The following DYNC1H1 variants were observed in gnomAD, a reference collection of about 807,000 sequenced individuals.
DYNC1H1 encodes the protein cytoplasmic dynein 1 heavy chain 1.
Under a neutral mutation model 527.1 loss-of-function variants are expected in DYNC1H1, and 51 were observed. The ratio of observed to expected loss-of-function variants is 0.10; its 90% CI spans 0.08 to 0.12. The LOEUF (loss-of-function observed/expected upper bound fraction) is 0.12. DYNC1H1 is among the 10% of genes least tolerant of loss of function. DYNC1H1 has a pLI of 1.00. For synonymous variants in DYNC1H1, 2,189 were observed against 2,278.8 expected (o/e 0.96, Z 1.12); for missense variants, 2,771 against 5,971.8 (o/e 0.46, Z 17.66).
rs779090427 is a variant in DYNC1H1 at position 102,017,073 on chromosome 14, G to A, written c.7849-15G>A. 9.9e-6 allele frequency: 16 copies of A among 1,614,150 alleles called. No homozygotes were observed. In the East Asian group the frequency reaches 2.4e-4, roughly 25 times the overall value. On this transcript the variant is annotated splice_polypyrimidine_tract_variant and intron_variant, in intron 38 of 77. Coordinates refer to ENST00000360184, the MANE Select transcript of DYNC1H1 (RefSeq NM_001376.5). This position sits in a 1 kb window ranked among gnomAD's most constrained non-coding sequence, Gnocchi z 4.6. Reference sequence around the variant, plus strand: ...GGTTGGTCTTACAGTGTGGTTTTGTGTCTTCCCTCCAAAGGTGGTGGGTCT... The same window carrying A: ...GGTTGGTCTTACAGTGTGGTTTTGTATCTTCCCTCCAAAGGTGGTGGGTCT...
intron 63 of DYNC1H1, 80 bp from the exon 64 acceptor site, chr14:102,040,518 C>T (rs570284580): frequency 8.6e-5 from 139 of 1,609,166 alleles, no homozygotes; most frequent in Non-Finnish European, 1.1e-4. Flanking sequence ...TGCGCTCTCG[C>T]GTCAGACTCT....
chr14:102,038,989 T>A lies in DYNC1H1; in HGVS notation c.11207-12T>A. 1 of 1,614,020 alleles carries A rather than the reference T, an allele frequency of 6.2e-7. No individual in the cohort carries two copies. Among genetic ancestry groups the A allele is most frequent in the South Asian group, 1.1e-5 (1 of 91,082 alleles). ...GGATTATTGCAAACTCTGGATGTTTTATTCATTTAAGGGGAATTTCAGCTC... is the reference window on the plus strand; with the variant it reads ...GGATTATTGCAAACTCTGGATGTTTAATTCATTTAAGGGGAATTTCAGCTC... On this transcript the variant is annotated splice_polypyrimidine_tract_variant and intron_variant, in intron 59 of 77. Transcript: ENST00000360184. This position sits in a 1 kb window ranked among gnomAD's most constrained non-coding sequence, Gnocchi z 7.2.
chr14:102,010,386 TAA>T lies in DYNC1H1; in HGVS notation c.6334_6335del (p.Lys2112GlufsTer11), dbSNP rs2048244512. 6.2e-7 allele frequency: 1 copy of T among 1,613,888 alleles called. No individual in the cohort carries two copies. The highest frequency in any genetic ancestry group is 8.5e-7 in the Non-Finnish European group (1 of 1,180,014). ...GTGAAGAGAGAGAGAATCCAGAAGATAAAGAGGGAGAAAGAGGAACGAGGGGA... is the reference window on the plus strand; with the variant it reads ...GTGAAGAGAGAGAGAATCCAGAAGATAGAGGGAGAAAGAGGAACGAGGGGA... On this transcript the variant is annotated frameshift_variant, in exon 31 of 78. Coordinates refer to ENST00000360184, the MANE Select transcript of DYNC1H1 (RefSeq NM_001376.5). LOFTEE classifies it high-confidence loss of function. The surrounding 1 kb of genome is among the most constrained non-coding windows in gnomAD (Gnocchi z 6.0).
Position 102,041,795 on chromosome 14 carries a change from G to C in DYNC1H1, c.12102+61G>C. ...CTCCATGCCCACCTCCCCAGCCACAGGTGGCAGCAGCCCTGGCATCTGCTC... is the reference window on the plus strand; with the variant it reads ...CTCCATGCCCACCTCCCCAGCCACACGTGGCAGCAGCCCTGGCATCTGCTC... On this transcript the variant is annotated intron_variant, in intron 65 of 77. Transcript: ENST00000360184. This position sits in a 1 kb window ranked among gnomAD's most constrained non-coding sequence, Gnocchi z 4.5. 1 of 1,611,502 alleles carries C rather than the reference G, an allele frequency of 6.2e-7. No homozygotes were observed. Among genetic ancestry groups the C allele is most frequent in the South Asian group, 1.1e-5 (1 of 90,850 alleles).
In DYNC1H1 at chr14:102,042,768, G is replaced by C; in HGVS notation, c.12513+20G>C. 6.2e-7 allele frequency: 1 copy of C among 1,613,130 alleles called. No homozygotes were observed. The highest frequency in any genetic ancestry group is 8.5e-7 in the Non-Finnish European group (1 of 1,179,496). ...TGCAAGGTAAGTACCTTGTCCTCCTGGTATGCTTTCCCCATAGAAGCTAAA... is the reference window on the plus strand; with the variant it reads ...TGCAAGGTAAGTACCTTGTCCTCCTCGTATGCTTTCCCCATAGAAGCTAAA... On this transcript the variant is annotated intron_variant, in intron 69 of 77. Transcript: ENST00000360184. The surrounding 1 kb of genome is among the most constrained non-coding windows in gnomAD (Gnocchi z 5.7).
rs1365399911 is a variant in DYNC1H1 at position 101,975,693 on chromosome 14, T to C, written c.257-19T>C. On this transcript the variant is annotated intron_variant, in intron 1 of 77. Transcript: ENST00000360184. ...TGGAAATGTTGATATTAATTTGATA[T>C]ATTTATTATGATTTGTAGAGGACGT... 1.9e-6 allele frequency: 3 copies of C among 1,595,362 alleles called. No individual in the cohort carries two copies. The highest frequency in any genetic ancestry group is 2.7e-5 in the African/African-American group (2 of 74,540).
intron 1 of DYNC1H1, among the ~76,000 whole-genome samples, chr14:101,968,924 A>C (rs918623118): frequency 6.6e-6 from 1 of 150,626 alleles, no homozygotes; most frequent in Non-Finnish European, 1.5e-5. Flanking sequence ...TCTCCAACAC[A>C]ACATATCACC....
At position 102,016,299 on chromosome 14, in the gene DYNC1H1, TTTG is replaced by T. The variant is rs1567012456; in HGVS notation, c.7474-43_7474-41del. On this transcript the variant is annotated intron_variant, in intron 36 of 77. Coordinates refer to ENST00000360184, the MANE Select transcript of DYNC1H1 (RefSeq NM_001376.5). This position sits in a 1 kb window ranked among gnomAD's most constrained non-coding sequence, Gnocchi z 7.3. ...TTAACTTTGCTGTAAGTGTCTTTCTTTTGTTGTTGAAATTTTATAAAAATCAAA... is the reference window on the plus strand; with the variant it reads ...TTAACTTTGCTGTAAGTGTCTTTCTTTTGTTGAAATTTTATAAAAATCAAA... 1.2e-6 allele frequency: 2 copies of T among 1,609,668 alleles called. No homozygotes were observed. The highest frequency in any genetic ancestry group is 1.3e-5 in the African/African-American group (1 of 74,836).
rs797045537 is a variant in DYNC1H1 at position 102,027,516 on chromosome 14, G to A, written c.9020G>A (p.Arg3007Gln). 1 of 1,614,154 alleles carries A rather than the reference G, an allele frequency of 6.2e-7. No homozygotes were observed. The highest frequency in any genetic ancestry group is 8.5e-7 in the Non-Finnish European group (1 of 1,180,022). Residue 3007 changes from arginine (R) to glutamine (Q), a missense_variant, in exon 46 of 78, where the codon CGA (arginine) becomes CAA (glutamine). Coordinates refer to ENST00000360184, the MANE Select transcript of DYNC1H1 (RefSeq NM_001376.5). The surrounding 1 kb of genome is among the most constrained non-coding windows in gnomAD (Gnocchi z 7.7). The stretch of plus-strand genomic sequence containing the variant: ...GTGTTAGATTCTGGATTCCTGGAGC[G>A]AATGAATACCCTTCTGGCCAATGGA... ...SNVLDSGFLERMNTLLANGEV... is the reference protein window; with the variant it reads ...SNVLDSGFLEQMNTLLANGEV...
Position 102,040,625 on chromosome 14 carries a change from T to G in DYNC1H1, c.11893T>G (p.Ser3965Ala). 2 of 1,614,184 alleles carry G rather than the reference T, an allele frequency of 1.2e-6. No individual in the cohort carries two copies. Among genetic ancestry groups the G allele is most frequent in the Non-Finnish European group, 1.7e-6 (2 of 1,180,036 alleles). ...EQFGIWLDSS[S>A]PEQTVPYLWS... ...ATTTGGCATCTGGCTGGACAGCAGC[T>G]CCCCGGAGCAGACTGTGCCCTACCT... is the stretch of plus-strand genomic sequence containing the variant. Residue 3965 changes from serine to alanine, a missense_variant, in exon 64 of 78, where the codon TCC becomes GCC. Around this residue, in one of 32 missense-constraint regions of DYNC1H1, gnomAD observed 120 missense variants for 161.9 expected, o/e 0.74. Transcript: ENST00000360184.
At position 102,030,154 on chromosome 14, in the gene DYNC1H1, C is replaced by G; in HGVS notation, c.9763-8C>G. The G allele has an allele frequency of 6.2e-7, 1 of 1,614,046 alleles. No homozygotes were observed. The highest frequency in any genetic ancestry group is 8.5e-7 in the Non-Finnish European group (1 of 1,180,018). On this transcript the variant is annotated splice_region_variant and splice_polypyrimidine_tract_variant and intron_variant, in intron 50 of 77. Transcript: ENST00000360184. ...TTAACCCATACCTAAGCCATCCCTC[C>G]TTTCTAGGTTATGAGCCAAGAAATC...
In DYNC1H1 at chr14:101,991,489, A is replaced by G. The variant is rs375102904; in HGVS notation, c.2869-38A>G. ...TTAAAAAAATTTTTTTTATTGAAAA[A>G]TAGATTGCTGAGTAGAAATGAAACC... On this transcript the variant is annotated intron_variant, in intron 10 of 77. Coordinates refer to ENST00000360184, the MANE Select transcript of DYNC1H1 (RefSeq NM_001376.5). 75 of 1,613,608 alleles carry G rather than the reference A, an allele frequency of 4.6e-5. No homozygotes were observed. The African/African-American group carries it at 9.5e-4, about 20-fold the overall frequency.
In DYNC1H1 at chr14:101,986,553, G is replaced by T. The variant is rs144921184; in HGVS notation, c.2328G>T (p.Pro776=). 5 of 1,614,120 alleles carry T rather than the reference G, an allele frequency of 3.1e-6. No homozygotes were observed. ...CCCATCAAGCAAACCAGCTTTACCC[G>T]TTTGCCATCTCACTGATCGAGAGCG... The part of the protein sequence containing the change: ...NKAHQANQLY[P]FAISLIESVR... Residue 776 remains proline, a synonymous_variant, in exon 8 of 78, where the codon CCG becomes CCT. Coordinates refer to ENST00000360184, the MANE Select transcript of DYNC1H1 (RefSeq NM_001376.5). The surrounding 1 kb of genome is among the most constrained non-coding windows in gnomAD (Gnocchi z 8.7).
Position 102,049,527 on chromosome 14 carries a change from A to G in DYNC1H1, c.13460A>G (p.Lys4487Arg), listed in dbSNP as rs2048774793. 1 of 1,614,088 alleles carries G rather than the reference A, an allele frequency of 6.2e-7. No individual in the cohort carries two copies. Among genetic ancestry groups the G allele is most frequent in the Non-Finnish European group, 8.5e-7 (1 of 1,180,024 alleles). ...QWVSDFSERIKQLQNISLAAA... is the reference protein window; with the variant it reads ...QWVSDFSERIRQLQNISLAAA... Reference sequence around the variant, plus strand: ...GTGTCCGACTTCAGCGAGAGGATCAAACAGCTGCAGAACATCTCACTGGCA... The same window carrying G: ...GTGTCCGACTTCAGCGAGAGGATCAGACAGCTGCAGAACATCTCACTGGCA... The change falls in exon 75 of 78, where the codon AAA becomes AGA. Residue 4487 changes from lysine (K) to arginine (R), a missense_variant. Lys to Arg is a conservative substitution (Grantham distance 26). Coordinates refer to ENST00000360184, the MANE Select transcript of DYNC1H1 (RefSeq NM_001376.5). The surrounding 1 kb of genome is among the most constrained non-coding windows in gnomAD (Gnocchi z 5.5).
chr14:102,045,535 C>T (rs113488457), intron 72 of DYNC1H1, among the ~76,000 whole-genome samples: 5 of 151,866 alleles, frequency 3.3e-5, no homozygotes, highest in East Asian at 1.9e-4. Flanking sequence ...CTCTTGAACC[C>T]GGGAGGCAGA....
chr14:101,987,646 T>C lies in DYNC1H1; in HGVS notation c.2718+14T>C. 1 of 1,614,118 alleles carries C rather than the reference T, an allele frequency of 6.2e-7. No homozygotes were observed. The highest frequency in any genetic ancestry group is 2.2e-5 in the East Asian group (1 of 44,874). On this transcript the variant is annotated intron_variant, in intron 9 of 77. Coordinates refer to ENST00000360184, the MANE Select transcript of DYNC1H1 (RefSeq NM_001376.5). ...CTTGACATGGAGGTAAGGGATAGAATTTGCTAGCATTTTCCTCCTTTTTCT... is the reference window on the plus strand; with the variant it reads ...CTTGACATGGAGGTAAGGGATAGAACTTGCTAGCATTTTCCTCCTTTTTCT...
At chr14:101,994,425 T>TCTAGTGAACCATACATACA in intron 12 of DYNC1H1, 101 bp downstream of exon 12, 1 of 1,548,480 alleles carries the variant, frequency 6.5e-7, no homozygotes, top group Non-Finnish European at 8.9e-7. Flanking sequence ...CTTGACTGTA[T>TCTAGTGAACCATACATACA]GTATGGTTCA....
chr14:101,979,793 A>G lies in DYNC1H1; in HGVS notation c.593A>G (p.Gln198Arg), dbSNP rs1437264415. 6.2e-7 allele frequency: 1 copy of G among 1,614,230 alleles called. No individual in the cohort carries two copies. Among genetic ancestry groups the G allele is most frequent in the Non-Finnish European group, 8.5e-7 (1 of 1,180,030 alleles). Reference sequence around the variant, plus strand: ...GAAATGGGACTCCTTCACTTGCAGCAAAATATTGAAATTCCGGAGATCAGC... The same window carrying G: ...GAAATGGGACTCCTTCACTTGCAGCGAAATATTGAAATTCCGGAGATCAGC... ...ELEMGLLHLQ[Q>R]NIEIPEISLP... is the part of the protein sequence containing the mutation. Residue 198 changes from glutamine to arginine, a missense_variant, in exon 4 of 78, where the codon CAA becomes CGA. This residue lies in a region of DYNC1H1 where 146 missense variants were observed against 288.1 expected (regional missense o/e 0.51). Coordinates refer to ENST00000360184, the MANE Select transcript of DYNC1H1 (RefSeq NM_001376.5). This position sits in a 1 kb window ranked among gnomAD's most constrained non-coding sequence, Gnocchi z 4.6.
intron 72 of DYNC1H1, among the ~76,000 whole-genome samples, chr14:102,046,472 C>T (rs1385783186): frequency 1.4e-5 from 2 of 148,038 alleles, no homozygotes; most frequent in Non-Finnish European, 3.0e-5. Flanking sequence ...GCGAGCTGGG[C>T]GGGTCTGGAG....
Sources: allele counts gnomAD v4.1 joint callset (sites outside exome capture counted in the v4.1 genomes callset), GRCh38; gene constraint gnomAD v4.1.1; regional missense constraint gnomAD v4.1.1; non-coding constraint Gnocchi (gnomAD v3.1); transcripts MANE v1.5; gene names NCBI Gene and HGNC (gene_info 2026-07-23, HGNC 2026-07-21).